The following RICTOR variants were observed in gnomAD, a reference collection of about 807,000 sequenced individuals.
RICTOR encodes the protein rapamycin-insensitive companion of mTOR.
Under a neutral mutation model 214.9 loss-of-function variants are expected in RICTOR, and 49 were observed. The ratio of observed to expected loss-of-function variants is 0.23; its 90% CI spans 0.18 to 0.29. The LOEUF (loss-of-function observed/expected upper bound fraction) is 0.29. RICTOR is among the 10% of genes least tolerant of loss of function. The pLI is 1.00. For missense variants in RICTOR, 1,625 were observed against 2,047.0 expected, an observed-to-expected ratio of 0.79 and a Z score of 3.98; for synonymous variants, 717 against 711.3, an observed-to-expected ratio of 1.01 and a Z score of -0.13.
chr5:38,958,868 ACTTC>A, intron 22 of RICTOR, 37 bp from the exon 23 acceptor site: 3 of 1,309,710 alleles, frequency 2.3e-6, no homozygotes, highest in Non-Finnish European at 2.0e-6. Context: ...AAAAAAAAAA[ACTTC>A]AGCATAAATA....
intron 7 of RICTOR, among the ~76,000 whole-genome samples, chr5:38,986,361 C>T (rs1253919876): frequency 6.6e-6 from 1 of 152,072 alleles, no homozygotes; most frequent in Non-Finnish European, 1.5e-5. Context: ...ATTACCCAGT[C>T]TCAAGGAGTT....
intron 34 of RICTOR, 155 bp from the exon 35 acceptor site, chr5:38,945,223 G>A: frequency 1.6e-6 from 1 of 639,572 alleles, no homozygotes; most frequent in Non-Finnish European, 2.6e-6. Flanking sequence ...CATAGAAAAT[G>A]AAAATAACTA....
At chr5:39,033,176 T>C (rs188850597) in intron 2 of RICTOR, among the ~76,000 whole-genome samples, 23 of 152,278 alleles carry the variant, frequency 1.5e-4, no homozygotes, top group Admixed American at 1.3e-4. Flanking sequence ...AGTGTCTGTT[T>C]TTCTTAGGAC....
chr5:38,975,615 T>TG lies in RICTOR; in HGVS notation c.822-12dup, dbSNP rs544124729. On this transcript the variant is annotated splice_polypyrimidine_tract_variant and intron_variant, in intron 9 of 37. Transcript: ENST00000357387. Reference sequence around the variant, plus strand: ...GCTTCTCTGTCTTCTCTGTTGGGGGTGGGGAGGCAGCGGGGAGAATCAATG... The same window carrying TG: ...GCTTCTCTGTCTTCTCTGTTGGGGGTGGGGGAGGCAGCGGGGAGAATCAATG... 1,355 of 1,610,714 alleles carry TG rather than the reference T, an allele frequency of 8.4e-4. No homozygotes were observed. The highest frequency in any genetic ancestry group is 1.9e-3 in the Admixed American group (111 of 59,928).
intron 15 of RICTOR, among the ~76,000 whole-genome samples, chr5:38,965,104 T>C (rs1223140181): frequency 6.6e-6 from 1 of 151,876 alleles, no homozygotes; most frequent in African/African-American, 2.4e-5. Context: ...GATACACACA[T>C]ATTAACATAA....
At chr5:39,006,792 G>C (rs543697428) in intron 3 of RICTOR, among the ~76,000 whole-genome samples, 40 of 138,660 alleles carry the variant, frequency 2.9e-4, no homozygotes, top group African/African-American at 1.0e-3. Flanking sequence ...GGAGGGGAGG[G>C]GGTCCCAAAC....
intron 2 of RICTOR, among the ~76,000 whole-genome samples, chr5:39,050,242 C>CA (rs1336678090): frequency 1.3e-5 from 2 of 151,482 alleles, no homozygotes; most frequent in Non-Finnish European, 2.9e-5. Context: ...AATCATTACT[C>CA]AAAGTACTCT....
At chr5:38,959,687 A>G (rs1295779670) in intron 21 of RICTOR, 92 bp downstream of exon 21, 14 of 752,420 alleles carry the variant, frequency 1.9e-5, no homozygotes, top group Non-Finnish European at 2.6e-5. Flanking sequence ...ACTTAACCAA[A>G]CACATGTACA....
At chr5:38,949,647 A>G in intron 31 of RICTOR, 65 bp downstream of exon 31, 3 of 1,418,584 alleles carry the variant, frequency 2.1e-6, no homozygotes, top group Non-Finnish European at 2.9e-6. Context: ...CCTGGCTAAC[A>G]TTTTGTATTT....
chr5:39,022,906 T>A (rs1255735417), intron 2 of RICTOR, among the ~76,000 whole-genome samples: 1 of 152,108 alleles, frequency 6.6e-6, no homozygotes, highest in Non-Finnish European at 1.5e-5. Context: ...AATAAAGTCT[T>A]ATTTGCAAAA....
At chr5:39,012,724 T>C (rs1489376722) in intron 3 of RICTOR, among the ~76,000 whole-genome samples, 1 of 152,208 alleles carries the variant, frequency 6.6e-6, no homozygotes, top group African/African-American at 2.4e-5. Flanking sequence ...TTAGAAATTG[T>C]TAAAGACTTT....
chr5:38,944,814 G>T, intron 35 of RICTOR, 99 bp downstream of exon 35: 1 of 1,210,402 alleles, frequency 8.3e-7, no homozygotes, highest in Non-Finnish European at 1.2e-6. Flanking sequence ...TTACTGTTTT[G>T]AGACAACTTT....
At chr5:38,984,042 A>G (rs565696660) in intron 7 of RICTOR, among the ~76,000 whole-genome samples, 1 of 46,066 alleles carries the variant, frequency 2.2e-5, no homozygotes, top group African/African-American at 7.4e-5. Flanking sequence ...ACTACGTAAG[A>G]ATTACCTGTT....
chr5:39,069,712 T>G (rs1417438761), intron 2 of RICTOR, among the ~76,000 whole-genome samples: 2 of 152,226 alleles, frequency 1.3e-5, no homozygotes, highest in Non-Finnish European at 2.9e-5. Flanking sequence ...GCCAACGCCA[T>G]GGTCCAGTCT....
chr5:39,038,304 T>C (rs1756889426), intron 2 of RICTOR, among the ~76,000 whole-genome samples: 2 of 152,202 alleles, frequency 1.3e-5, no homozygotes, highest in Admixed American at 6.5e-5. Flanking sequence ...AAGTTAGGTG[T>C]TGATGGGACG....
intron 8 of RICTOR, 44 bp from the exon 9 acceptor site, chr5:38,978,694 T>C (rs1751436791): frequency 3.2e-6 from 3 of 950,170 alleles, no homozygotes; most frequent in Admixed American, 2.1e-5. Flanking sequence ...TATTTTAAAA[T>C]GCATCCTTCC....
intron 5 of RICTOR, among the ~76,000 whole-genome samples, chr5:38,999,043 A>AAAC (rs1753408210): frequency 2.8e-5 from 4 of 143,032 alleles, no homozygotes; most frequent in South Asian, 2.2e-4. Context: ...AAAAAAAAAA[A>AAAC]AAAAAAAACA....
chr5:38,978,403 T>A (rs1005336324), intron 9 of RICTOR, among the ~76,000 whole-genome samples, 180 bp downstream of exon 9: 4 of 152,190 alleles, frequency 2.6e-5, no homozygotes, highest in Non-Finnish European at 5.9e-5. Context: ...TTTAAATTTC[T>A]CAAAGCTTTA....
intron 5 of RICTOR, 38 bp from the exon 6 acceptor site, chr5:38,996,920 C>T: frequency 7.0e-7 from 1 of 1,418,536 alleles, no homozygotes; most frequent in East Asian, 2.3e-5. Flanking sequence ...TGATAAAATT[C>T]TATTAAACAA....
Sources: allele counts gnomAD v4.1 joint callset (sites outside exome capture counted in the v4.1 genomes callset), GRCh38; gene constraint gnomAD v4.1.1; transcripts MANE v1.5; gene names NCBI Gene and HGNC (gene_info 2026-07-23, HGNC 2026-07-21).